HIGD2B: variants seen among roughly 807,000 people sequenced by gnomAD.
HIGD2B encodes the protein HIG1 domain family member 2B.
For missense variants in HIGD2B, 106 were observed against 67.0 expected (o/e 1.58, Z -2.03); for synonymous variants, 45 against 28.1 (o/e 1.60, Z -1.90).
Position 72,686,177 on chromosome 15 carries a change from T to C in HIGD2B, c.-552A>G, listed in dbSNP as rs1179173437. ...AGCCCTACGACTTCCGCTTGCCTCG[T>C]CGTCTGGGAAACCGCCGACTTCCGG... On this transcript the variant is annotated 5_prime_UTR_variant, in exon 1 of 3. Transcript: ENST00000311755. 10 of 1,541,342 alleles carry C rather than the reference T, an allele frequency of 6.5e-6. No individual in the cohort carries two copies. Among genetic ancestry groups the C allele is most frequent in the Non-Finnish European group, 8.8e-6 (10 of 1,141,596 alleles).
Position 72,675,832 on chromosome 15 carries a change from G to A in HIGD2B, c.*222C>T. On this transcript the variant is annotated 3_prime_UTR_variant, in exon 3 of 3. Coordinates refer to ENST00000311755, the MANE Select transcript of HIGD2B (RefSeq NM_001350932.3). The stretch of plus-strand genomic sequence containing the variant: ...TATTTTTAGAGTTTATTAAGCAGGG[G>A]AGTGGAGGGAAGATGTGGCACAAAT... The A allele has an allele frequency of 1.9e-6, 1 of 538,598 alleles. No individual in the cohort carries two copies. Among genetic ancestry groups the A allele is most frequent in the South Asian group, 2.7e-5 (1 of 37,698 alleles). 33.4% of individuals were successfully genotyped at this position (538,598 alleles called of 1,614,324 possible).
chr15:72,681,681 A>G (rs1364385930), intron 1 of HIGD2B, among the ~76,000 whole-genome samples: 1 of 137,820 alleles, frequency 7.3e-6, no homozygotes, highest in Non-Finnish European at 1.5e-5. Flanking sequence ...ATCTCATCTC[A>G]CTGCAACCTC....
chr15:72,683,811 C>T (rs1011424070), intron 1 of HIGD2B, among the ~76,000 whole-genome samples: 3 of 151,752 alleles, frequency 2.0e-5, no homozygotes, highest in East Asian at 3.9e-4. Context: ...ACTGCACTTC[C>T]GCCTGGGCAA....
At chr15:72,681,152 A>G (rs570781165) in intron 1 of HIGD2B, among the ~76,000 whole-genome samples, 21 of 152,294 alleles carry the variant, frequency 1.4e-4, no homozygotes, top group Non-Finnish European at 2.4e-4. Context: ...AGTGTGGACC[A>G]GTAGTCTCCG....
chr15:72,681,340 T>C (rs2064747527), intron 1 of HIGD2B, among the ~76,000 whole-genome samples: 1 of 152,182 alleles, frequency 6.6e-6, no homozygotes, highest in South Asian at 2.1e-4. Context: ...GAGTCAGAAC[T>C]CTCATGGCAT....
chr15:72,676,145 A>G lies in HIGD2B; in HGVS notation c.230T>C (p.Leu77Pro). The change falls in exon 3 of 3, where the codon CTT (leucine) becomes CCT (proline). Residue 77 changes from leucine to proline, a missense_variant. By Grantham distance (98) the Leu-to-Pro change is moderately conservative. Transcript: ENST00000311755. ...FHQGNSQCSRLMMHTQIAAQG... is the reference protein window; with the variant it reads ...FHQGNSQCSRPMMHTQIAAQG... The stretch of plus-strand genomic sequence containing the variant: ...GGCGGCGATCTGGGTGTGCATCATA[A>G]GCCGTGAACATTGGCTGTTGCCCTG... 1.3e-6 allele frequency: 1 copy of G among 764,856 alleles called. No homozygotes were observed. The highest frequency in any genetic ancestry group is 2.4e-6 in the Non-Finnish European group (1 of 416,640). 47.4% of individuals were successfully genotyped at this position (764,856 alleles called of 1,614,324 possible).
chr15:72,677,162 G>A (rs557592622), intron 2 of HIGD2B, among the ~76,000 whole-genome samples: 3 of 152,310 alleles, frequency 2.0e-5, no homozygotes, highest in African/African-American at 7.2e-5. Flanking sequence ...AGGGGTGGTG[G>A]CTCACACCTA....
intron 2 of HIGD2B, among the ~76,000 whole-genome samples, chr15:72,677,504 A>G (rs557725185): frequency 1.3e-5 from 2 of 152,222 alleles, no homozygotes; most frequent in Admixed American, 6.5e-5. Context: ...GCTAACACCT[A>G]TAATCCCAGC....
At chr15:72,676,419 T>C in intron 2 of HIGD2B, 32 bp from the exon 3 acceptor site, 1 of 665,796 alleles carries the variant, frequency 1.5e-6, no homozygotes, top group Non-Finnish European at 2.7e-6. Context: ...TTTTTTTTTT[T>C]TTTGAGAAGG....
chr15:72,683,595 C>A (rs1025530285), intron 1 of HIGD2B, among the ~76,000 whole-genome samples: 2 of 152,086 alleles, frequency 1.3e-5, no homozygotes, highest in Non-Finnish European at 2.9e-5. Context: ...TAATTCCACA[C>A]TTTGGGAGGC....
Position 72,686,092 on chromosome 15 carries a change from C to G in HIGD2B, c.-467G>C, listed in dbSNP as rs886400903. ...TGTGGAGCAGACCCTAATCCTCCCC[C>G]TGATTCCTTAGGTCACTCGGCGATT... is the stretch of plus-strand genomic sequence containing the variant. On this transcript the variant is annotated 5_prime_UTR_variant, in exon 1 of 3. Transcript: ENST00000311755. 6.5e-6 allele frequency: 6 copies of G among 926,742 alleles called. No homozygotes were observed. Among genetic ancestry groups the G allele is most frequent in the Non-Finnish European group, 8.4e-6 (5 of 592,778 alleles). 57.4% of individuals were successfully genotyped at this position (926,742 alleles called of 1,614,324 possible). A position where few individuals can be genotyped will look rare whatever the true frequency, so the allele number is the denominator to read the frequency against.
In HIGD2B at chr15:72,676,301, C is replaced by T. The variant is rs1378180818; in HGVS notation, c.74G>A (p.Ser25Asn). 3 of 762,678 alleles carry T rather than the reference C, an allele frequency of 3.9e-6. No homozygotes were observed. The African/African-American group carries it at 5.1e-5, about 13-fold the overall frequency. 47.2% of individuals were successfully genotyped at this position (762,678 alleles called of 1,614,324 possible). A position where few individuals can be genotyped will look rare whatever the true frequency, so the allele number is the denominator to read the frequency against. The change falls in exon 3 of 3, where the codon AGC becomes AAC. Residue 25 changes from serine to asparagine, a missense_variant. By Grantham distance (46) the Ser-to-Asn change is conservative (BLOSUM62 1). Transcript: ENST00000311755. ...SSKPPIFEGL[S>N]PTVYSNPEGF... is the part of the protein sequence containing the mutation. ...CTCTGGATTGCTGTAAACAGTGGGG[C>T]TAAGCCCCTCAAAGATGGGGGGCTT...
intron 1 of HIGD2B, among the ~76,000 whole-genome samples, chr15:72,682,023 C>T (rs1446356353): frequency 3.9e-5 from 6 of 152,152 alleles, no homozygotes; most frequent in East Asian, 1.9e-4. Context: ...ATTATAGACG[C>T]GAGTCACTGG....
chr15:72,684,548 G>A (rs1313013798), intron 1 of HIGD2B, among the ~76,000 whole-genome samples: 1 of 151,866 alleles, frequency 6.6e-6, no homozygotes, highest in African/African-American at 2.4e-5. Context: ...AGTGCAATGG[G>A]ATGATCTCAG....
At chr15:72,684,816 C>T (rs2150981196) in intron 1 of HIGD2B, among the ~76,000 whole-genome samples, 1 of 151,618 alleles carries the variant, frequency 6.6e-6, no homozygotes, top group South Asian at 2.1e-4. Context: ...CGGAGTCTCC[C>T]TCTATCGCCC....
In HIGD2B at chr15:72,676,149, G is replaced by A. The variant is rs765848468; in HGVS notation, c.226C>T (p.Arg76Trp). The change falls in exon 3 of 3, where the codon CGG (arginine) becomes TGG (tryptophan). Residue 76 changes from arginine (R) to tryptophan (W), a missense_variant. Coordinates refer to ENST00000311755, the MANE Select transcript of HIGD2B (RefSeq NM_001350932.3). ...GCGATCTGGGTGTGCATCATAAGCC[G>A]TGAACATTGGCTGTTGCCCTGGTGG... ...CFHQGNSQCS[R>W]LMMHTQIAAQ... 2.4e-5 allele frequency: 18 copies of A among 763,942 alleles called. 1 individual carries two copies. The highest frequency in any genetic ancestry group is 8.5e-5 in the African/African-American group (5 of 59,026). The allele number at this position is 763,942 out of a possible 1,614,324, so 47.3% of individuals were successfully genotyped here.
At chr15:72,679,934 T>C (rs1465557734) in intron 2 of HIGD2B, 81 bp downstream of exon 2, 1 of 205,440 alleles carries the variant, frequency 4.9e-6, no homozygotes, top group African/African-American at 2.3e-5. Flanking sequence ...GTTAAGCAAG[T>C]GAGGGGTGGA....
At chr15:72,683,526 A>C (rs1432794599) in intron 1 of HIGD2B, among the ~76,000 whole-genome samples, 2 of 151,400 alleles carry the variant, frequency 1.3e-5, no homozygotes, top group Non-Finnish European at 2.9e-5. Context: ...AGAGGACTGG[A>C]ATACTGAAAA....
At chr15:72,681,191 A>T (rs1315634003) in intron 1 of HIGD2B, among the ~76,000 whole-genome samples, 1 of 152,152 alleles carries the variant, frequency 6.6e-6, no homozygotes, top group Non-Finnish European at 1.5e-5. Flanking sequence ...GCAGAAGTGT[A>T]GACTTCTTCT....
Sources: allele counts gnomAD v4.1 joint callset (sites outside exome capture counted in the v4.1 genomes callset), GRCh38; gene constraint gnomAD v4.1.1; transcripts MANE v1.5; gene names NCBI Gene and HGNC (gene_info 2026-07-23, HGNC 2026-07-21).